The following LRP1B variants were observed in gnomAD, a reference collection of about 807,000 sequenced individuals.
LRP1B encodes the protein LDL receptor related protein 1B.
A neutral mutation model predicts 556.6 loss-of-function variants in LRP1B; 217 were observed. The observed-to-expected ratio is 0.39, with a 90% CI of 0.35 to 0.44. The LOEUF (loss-of-function observed/expected upper bound fraction) is 0.44. Among genes scored for constraint, LRP1B ranks in the 20% least tolerant of loss-of-function variants. LRP1B has a pLI of 1.00. For synonymous variants in LRP1B, 2,047 were observed against 1,865.8 expected (o/e 1.10, Z -2.50); for missense variants, 5,053 against 5,620.8 (o/e 0.90, Z 3.23).
chr2:141,322,988 CA>C (rs1559004637), intron 3 of LRP1B, among the ~76,000 whole-genome samples: 1 of 151,984 alleles, frequency 6.6e-6, no homozygotes. Flanking sequence ...AAAATGAAGA[CA>C]ACAATACCTT....
At chr2:141,459,670 T>C (rs1363818184) in intron 3 of LRP1B, among the ~76,000 whole-genome samples, 2 of 152,078 alleles carry the variant, frequency 1.3e-5, no homozygotes, top group African/African-American at 4.8e-5. Context: ...CGAGATCTGA[T>C]GGTATAAAGG....
At chr2:141,684,063 G>A (rs1487597975) in intron 2 of LRP1B, among the ~76,000 whole-genome samples, 1 of 152,042 alleles carries the variant, frequency 6.6e-6, no homozygotes, top group East Asian at 1.9e-4. Context: ...CAAGGATCTA[G>A]TACCGGAAAT....
chr2:140,430,072 C>T (rs749974150), intron 66 of LRP1B, among the ~76,000 whole-genome samples: 9 of 152,064 alleles, frequency 5.9e-5, no homozygotes, highest in Admixed American at 2.0e-4. Flanking sequence ...ACTCCATTTC[C>T]CCATATTTCC....
chr2:141,859,595 A>C (rs13385804), intron 1 of LRP1B, among the ~76,000 whole-genome samples: 43,645 of 152,000 alleles, frequency 0.29, 6,753 homozygotes, highest in Middle Eastern at 0.44. Flanking sequence ...AAATAGGGAA[A>C]CTATAGCTAA....
At chr2:142,034,726 A>C (rs1274696712) in intron 1 of LRP1B, among the ~76,000 whole-genome samples, 1 of 151,816 alleles carries the variant, frequency 6.6e-6, no homozygotes, top group African/African-American at 2.4e-5. Context: ...TACATTCAGA[A>C]AGCTAAGAAA....
At chr2:142,043,824 T>G (rs1015411797) in intron 1 of LRP1B, among the ~76,000 whole-genome samples, 2 of 151,640 alleles carry the variant, frequency 1.3e-5, no homozygotes, top group African/African-American at 4.8e-5. Context: ...TAGGGTCATA[T>G]TTTACCCTTC....
At chr2:141,994,982 G>T (rs1051842826) in intron 1 of LRP1B, among the ~76,000 whole-genome samples, 8 of 152,218 alleles carry the variant, frequency 5.3e-5, no homozygotes, top group African/African-American at 1.9e-4. Context: ...TTGTGTCAGA[G>T]TCACATATCC....
intron 1 of LRP1B, among the ~76,000 whole-genome samples, chr2:142,102,050 T>C (rs745585212): frequency 1.1e-4 from 16 of 151,952 alleles, no homozygotes; most frequent in Non-Finnish European, 1.6e-4. Flanking sequence ...ATTAATGTAG[T>C]CTCTCTGGGA....
intron 37 of LRP1B, among the ~76,000 whole-genome samples, chr2:140,708,365 T>C: frequency 6.6e-6 from 1 of 151,980 alleles, no homozygotes; most frequent in East Asian, 1.9e-4. Context: ...CTTGGTCTGC[T>C]ATTCTTAAGT....
At chr2:140,355,813 A>G (rs1037674224) in intron 75 of LRP1B, among the ~76,000 whole-genome samples, 1 of 151,934 alleles carries the variant, frequency 6.6e-6, no homozygotes, top group Non-Finnish European at 1.5e-5. Context: ...GATTTTGGCT[A>G]TCCTACATGC....
chr2:140,698,656 T>G (rs1686520998), intron 41 of LRP1B, among the ~76,000 whole-genome samples: 1 of 152,070 alleles, frequency 6.6e-6, no homozygotes, highest in Admixed American at 6.6e-5. Context: ...AGGAGCGTTT[T>G]AATAATAGCC....
rs142217131 is a variant in LRP1B, at chr2:140,233,261, G to C, written c.13725C>G (p.Ser4575=). Residue 4575 remains serine, a synonymous_variant, in exon 91 of 91, where the codon TCC becomes TCG. Coordinates refer to ENST00000389484, the MANE Select transcript of LRP1B (RefSeq NM_018557.3). ...CTTTCCTTTCATCAACACTTCCTAA[G>C]GAGTTTCGACAGTTTTGCCCATCCA... ...LYMDGQNCRN[S]LGSVDERKEL... is the part of the protein sequence containing the mutation. 3.7e-6 allele frequency: 6 copies of C among 1,605,514 alleles called. No homozygotes were observed. Among genetic ancestry groups the C allele is most frequent in the Middle Eastern group, 1.7e-4 (1 of 6,038 alleles).
chr2:140,583,171 C>CTTTTCTTTTTTTT (rs1553491151), intron 43 of LRP1B, among the ~76,000 whole-genome samples: 10 of 48,046 alleles, frequency 2.1e-4, no homozygotes, highest in African/African-American at 5.5e-4. Flanking sequence ...CCTTTTTTTT[C>CTTTTCTTTTTTTT]TTTTTTTTTT....
chr2:140,646,116 A>T (rs1248074679), intron 41 of LRP1B, among the ~76,000 whole-genome samples: 1 of 152,130 alleles, frequency 6.6e-6, no homozygotes, highest in East Asian at 1.9e-4. Flanking sequence ...CATACCCTAA[A>T]CATGCCAACA....
At chr2:141,913,234 A>G (rs542256642) in intron 1 of LRP1B, among the ~76,000 whole-genome samples, 1 of 152,330 alleles carries the variant, frequency 6.6e-6, no homozygotes, top group African/African-American at 2.4e-5. Flanking sequence ...ATTTTGCCAC[A>G]ATAAAAAATA....
chr2:141,715,303 T>G (rs944631524), intron 2 of LRP1B, among the ~76,000 whole-genome samples: 1 of 148,206 alleles, frequency 6.7e-6, no homozygotes, highest in Non-Finnish European at 1.5e-5. Flanking sequence ...CCCTATCTCT[T>G]CAAACAAAAG....
At chr2:141,339,484 C>A (rs1687976603) in intron 3 of LRP1B, among the ~76,000 whole-genome samples, 1 of 152,110 alleles carries the variant, frequency 6.6e-6, no homozygotes, top group Non-Finnish European at 1.5e-5. Flanking sequence ...TGCCAGTCAG[C>A]AAGTTAAACA....
At chr2:141,544,338 T>TTCTTCTTCTTCTTC (rs1559131180) in intron 2 of LRP1B, among the ~76,000 whole-genome samples, 5 of 66,752 alleles carry the variant, frequency 7.5e-5, no homozygotes, top group African/African-American at 3.1e-4. Context: ...CTTCTTCTTC[T>TTCTTCTTCTTCTTC]TCTTCTTCTT....
At chr2:141,576,122 T>C (rs554203898) in intron 2 of LRP1B, among the ~76,000 whole-genome samples, 4 of 152,348 alleles carry the variant, frequency 2.6e-5, no homozygotes, top group African/African-American at 9.6e-5. Flanking sequence ...TAAGTTATTC[T>C]ACTATAAAGA....
Sources: gnomAD v4.1 joint callset for allele counts (sites outside exome capture counted in the v4.1 genomes callset) on GRCh38, gnomAD v4.1.1 for gene constraint, MANE v1.5 for transcripts, NCBI Gene and HGNC (gene_info 2026-07-23, HGNC 2026-07-21) for gene names.